GLG1: variants seen among roughly 807,000 people sequenced by gnomAD.
GLG1 encodes the protein golgi glycoprotein 1, also known as Golgi apparatus protein 1.
In GLG1, 38 loss-of-function variants were observed where a neutral mutation model predicts 160.5. The observed-to-expected ratio is 0.24, with a 90% CI of 0.18 to 0.31. The LOEUF (loss-of-function observed/expected upper bound fraction) is 0.31, where lower values mean the gene tolerates loss of function less well. Among genes scored for constraint, GLG1 ranks in the 10% least tolerant of loss-of-function variants. The pLI is 1.00. For synonymous variants in GLG1, 644 were observed against 543.4 expected (o/e 1.19, Z -2.57); for missense variants, 1,373 against 1,505.2 (o/e 0.91, Z 1.45).
intron 1 of GLG1, among the ~76,000 whole-genome samples, chr16:74,565,901 C>G (rs1198303744): frequency 6.6e-6 from 1 of 152,180 alleles, no homozygotes; most frequent in Non-Finnish European, 1.5e-5. Flanking sequence ...AACGTTCCGT[C>G]TTTGTTACAG....
intron 10 of GLG1, 127 bp from the exon 11 acceptor site, chr16:74,480,521 G>A: frequency 1.7e-6 from 1 of 591,402 alleles, no homozygotes; most frequent in South Asian, 2.7e-5. Flanking sequence ...CGTGGAGACA[G>A]AAGATATGTA....
At chr16:74,518,100 A>G (rs900655745) in intron 2 of GLG1, among the ~76,000 whole-genome samples, 4 of 152,216 alleles carry the variant, frequency 2.6e-5, no homozygotes, top group African/African-American at 9.7e-5. Context: ...AGAAGAATCA[A>G]TATCGTGAAA....
intron 2 of GLG1, among the ~76,000 whole-genome samples, chr16:74,528,840 T>A (rs2017432137): frequency 7.2e-6 from 1 of 138,738 alleles, no homozygotes. Flanking sequence ...AAAAAAATTG[T>A]TAGGTGAGTA....
chr16:74,561,813 C>A (rs2018522284), intron 1 of GLG1, among the ~76,000 whole-genome samples: 1 of 152,178 alleles, frequency 6.6e-6, no homozygotes, highest in African/African-American at 2.4e-5. Context: ...ATCCGTAAAT[C>A]TTCCATTATT....
chr16:74,604,085 T>C (rs1958507286), intron 1 of GLG1, among the ~76,000 whole-genome samples: 1 of 151,742 alleles, frequency 6.6e-6, no homozygotes, highest in South Asian at 2.1e-4. Context: ...GAACCCGGAA[T>C]GTGGAGGCTT....
chr16:74,553,567 G>A (rs1379798765), intron 1 of GLG1, among the ~76,000 whole-genome samples: 1 of 149,950 alleles, frequency 6.7e-6, no homozygotes, highest in Non-Finnish European at 1.5e-5. Context: ...CCGCTTCCCG[G>A]GTTCACACCA....
At chr16:74,493,752 G>A (rs751648019) in intron 6 of GLG1, among the ~76,000 whole-genome samples, 1 of 152,168 alleles carries the variant, frequency 6.6e-6, no homozygotes, top group East Asian at 1.9e-4. Context: ...TAATGATATA[G>A]CTGCTGAAAA....
chr16:74,542,715 AG>A (rs1463428705), intron 1 of GLG1, among the ~76,000 whole-genome samples: 637 of 47,944 alleles, frequency 0.013, 36 homozygotes, highest in South Asian at 0.035. Flanking sequence ...GAAGGGAAGA[AG>A]GGAAGGAAGG....
chr16:74,482,262 G>C (rs1014914585), intron 10 of GLG1, among the ~76,000 whole-genome samples: 1 of 152,140 alleles, frequency 6.6e-6, no homozygotes, highest in Non-Finnish European at 1.5e-5. Context: ...AAACTGCTGG[G>C]ATTATAGGTG....
At chr16:74,526,058 G>C (rs2017322672) in intron 2 of GLG1, among the ~76,000 whole-genome samples, 2 of 152,118 alleles carry the variant, frequency 1.3e-5, no homozygotes, top group Non-Finnish European at 2.9e-5. Context: ...AGTTATTCAG[G>C]CTGGCCAGAT....
intron 7 of GLG1, among the ~76,000 whole-genome samples, chr16:74,491,706 C>T (rs1227585704): frequency 7.3e-6 from 1 of 137,650 alleles, no homozygotes; most frequent in African/African-American, 2.8e-5. Context: ...CGCGCGATCT[C>T]GGCTCACTGC....
chr16:74,573,682 C>T (rs1296228740), intron 1 of GLG1, among the ~76,000 whole-genome samples: 5 of 150,364 alleles, frequency 3.3e-5, no homozygotes, highest in African/African-American at 7.3e-5. Flanking sequence ...GGACTACAGT[C>T]GCACACTACT....
intron 1 of GLG1, among the ~76,000 whole-genome samples, chr16:74,538,631 T>C (rs1030853593): frequency 6.6e-6 from 1 of 152,204 alleles, no homozygotes; most frequent in African/African-American, 2.4e-5. Flanking sequence ...AATGTTCTGA[T>C]TCACTAAAGA....
At chr16:74,498,315 C>T (rs1034186508) in intron 4 of GLG1, among the ~76,000 whole-genome samples, 2 of 148,216 alleles carry the variant, frequency 1.3e-5, no homozygotes, top group Non-Finnish European at 3.0e-5. Flanking sequence ...ACCTGTAATC[C>T]CAGCTATTCG....
At chr16:74,467,290 T>G (rs904114467) in intron 18 of GLG1, among the ~76,000 whole-genome samples, 1 of 152,204 alleles carries the variant, frequency 6.6e-6, no homozygotes, top group Admixed American at 6.5e-5. Context: ...AATCATTTGT[T>G]TGTATGTACT....
chr16:74,560,385 T>C (rs969727120), intron 1 of GLG1, among the ~76,000 whole-genome samples: 2 of 139,238 alleles, frequency 1.4e-5, no homozygotes. Context: ...TGGAGTGCAA[T>C]GGCACGATCT....
intron 1 of GLG1, among the ~76,000 whole-genome samples, chr16:74,544,673 G>A (rs1005745850): frequency 6.6e-6 from 1 of 152,110 alleles, no homozygotes; most frequent in East Asian, 1.9e-4. Flanking sequence ...GCTAATTTTT[G>A]TACTTTATAG....
chr16:74,595,806 A>C (rs949332722), intron 1 of GLG1, among the ~76,000 whole-genome samples: 1 of 152,034 alleles, frequency 6.6e-6, no homozygotes, highest in Non-Finnish European at 1.5e-5. Context: ...ATATATCGAA[A>C]TTTTTTTTAA....
chr16:74,506,597 A>AC (rs2016616427), intron 3 of GLG1, among the ~76,000 whole-genome samples: 1 of 149,122 alleles, frequency 6.7e-6, no homozygotes. Context: ...AAAAAAAAAA[A>AC]AAAAAAACTC....
Sources: allele counts gnomAD v4.1 joint callset (sites outside exome capture counted in the v4.1 genomes callset), GRCh38; gene constraint gnomAD v4.1.1; transcripts MANE v1.5; gene names NCBI Gene and HGNC (gene_info 2026-07-23, HGNC 2026-07-21).